The following GPM6A variants were observed in gnomAD, a reference collection of about 807,000 sequenced individuals.
GPM6A encodes glycoprotein M6A.
Under a neutral mutation model 32.1 loss-of-function variants are expected in GPM6A, and 7 were observed. That is an observed-to-expected ratio of 0.22 (90% confidence interval 0.12 to 0.41). The LOEUF is 0.41. Among genes scored for constraint, GPM6A ranks in the 10% least tolerant of loss-of-function variants. The pLI, the probability that GPM6A is intolerant of heterozygous loss-of-function variation, is 1.00. For missense variants in GPM6A, 235 were observed against 347.2 expected (o/e 0.68, Z 2.57); for synonymous variants, 130 against 123.4 (o/e 1.05, Z -0.35).
At chr4:175,983,205 A>G (rs542673217) in intron 1 of GPM6A, among the ~76,000 whole-genome samples, 1 of 152,236 alleles carries the variant, frequency 6.6e-6, no homozygotes, top group Non-Finnish European at 1.5e-5. Context: ...AAGGACCTCC[A>G]ACTCTTCAAG....
intron 1 of GPM6A, among the ~76,000 whole-genome samples, chr4:175,833,212 G>C (rs1735668263): frequency 6.6e-6 from 1 of 152,148 alleles, no homozygotes; most frequent in East Asian, 1.9e-4. Context: ...AAAATTATTA[G>C]TATGGATAAA....
At chr4:175,923,682 T>C (rs1265524132) in intron 1 of GPM6A, among the ~76,000 whole-genome samples, 1 of 151,998 alleles carries the variant, frequency 6.6e-6, no homozygotes, top group Non-Finnish European at 1.5e-5. Flanking sequence ...GCCTCCCAAG[T>C]AGCTGAGACC....
chr4:175,830,185 T>G (rs976086244), intron 1 of GPM6A, among the ~76,000 whole-genome samples: 1 of 152,156 alleles, frequency 6.6e-6, no homozygotes, highest in Non-Finnish European at 1.5e-5. Context: ...TGGTGATGGT[T>G]GAGCTGGTCA....
intron 3 of GPM6A, among the ~76,000 whole-genome samples, chr4:175,662,758 T>C (rs1243442024): frequency 6.6e-6 from 1 of 152,062 alleles, no homozygotes; most frequent in Non-Finnish European, 1.5e-5. Context: ...GATATATGGA[T>C]AGATAGATAT....
intron 1 of GPM6A, among the ~76,000 whole-genome samples, chr4:175,920,166 A>G (rs1432221702): frequency 1.3e-5 from 2 of 152,242 alleles, no homozygotes; most frequent in African/African-American, 2.4e-5. Context: ...CTTTCCAGGA[A>G]GGCAACATAC....
At chr4:175,651,497 A>T (rs1203742651) in intron 4 of GPM6A, among the ~76,000 whole-genome samples, 2 of 151,998 alleles carry the variant, frequency 1.3e-5, no homozygotes, top group African/African-American at 4.8e-5. Context: ...TCATGGGAGG[A>T]TAAAAGTAGA....
At chr4:175,907,830 G>T (rs1432541690) in intron 1 of GPM6A, among the ~76,000 whole-genome samples, 2 of 151,912 alleles carry the variant, frequency 1.3e-5, no homozygotes, top group African/African-American at 4.8e-5. Context: ...TATTTCTTTG[G>T]GTCTTCATTT....
intron 1 of GPM6A, among the ~76,000 whole-genome samples, chr4:175,844,164 C>A (rs762989784): frequency 6.6e-6 from 1 of 152,160 alleles, no homozygotes; most frequent in African/African-American, 2.4e-5. Flanking sequence ...TAGTCTTGAT[C>A]CTCATTGCAA....
intron 1 of GPM6A, among the ~76,000 whole-genome samples, chr4:175,736,487 T>A (rs1349857925): frequency 6.6e-6 from 1 of 151,820 alleles, no homozygotes; most frequent in African/African-American, 2.4e-5. Context: ...GATATCAAGG[T>A]TTTCTTTAAA....
intron 1 of GPM6A, among the ~76,000 whole-genome samples, chr4:175,707,903 T>C (rs1745294646): frequency 6.6e-6 from 1 of 152,220 alleles, no homozygotes; most frequent in African/African-American, 2.4e-5. Context: ...CTTCTTTTTA[T>C]CTACCATTTC....
At chr4:175,881,103 G>C (rs1435621481) in intron 1 of GPM6A, among the ~76,000 whole-genome samples, 1 of 152,114 alleles carries the variant, frequency 6.6e-6, no homozygotes, top group African/African-American at 2.4e-5. Flanking sequence ...ATCTGACAAA[G>C]AGCTAATATC....
At chr4:175,749,188 A>T (rs1732222002) in intron 1 of GPM6A, among the ~76,000 whole-genome samples, 1 of 144,132 alleles carries the variant, frequency 6.9e-6, no homozygotes, top group Non-Finnish European at 1.5e-5. Context: ...GTGCAAAAGT[A>T]ATTGCAGTTT....
At chr4:175,776,908 A>G (rs1000636702) in intron 1 of GPM6A, among the ~76,000 whole-genome samples, 2 of 152,212 alleles carry the variant, frequency 1.3e-5, no homozygotes, top group African/African-American at 4.8e-5. Context: ...GTCAAGGCCT[A>G]CGTATGCAAA....
intron 1 of GPM6A, among the ~76,000 whole-genome samples, chr4:175,999,539 T>A (rs932924951): frequency 2.0e-5 from 3 of 150,468 alleles, no homozygotes; most frequent in South Asian, 2.1e-4. Flanking sequence ...TTTTTTTTTT[T>A]ACAATCAGCC....
intron 1 of GPM6A, among the ~76,000 whole-genome samples, chr4:175,911,767 G>A (rs1476145605): frequency 6.6e-6 from 1 of 152,138 alleles, no homozygotes; most frequent in African/African-American, 2.4e-5. Context: ...TGACAAAAGT[G>A]GGAATATGTA....
At chr4:175,663,499 T>C (rs1579356534) in intron 3 of GPM6A, among the ~76,000 whole-genome samples, 1 of 152,130 alleles carries the variant, frequency 6.6e-6, no homozygotes, top group Admixed American at 6.5e-5. Context: ...GTTGTATTCT[T>C]GAAAATGGTT....
chr4:175,751,501 A>G (rs1732335707), intron 1 of GPM6A, among the ~76,000 whole-genome samples: 1 of 152,180 alleles, frequency 6.6e-6, no homozygotes, highest in Admixed American at 6.5e-5. Flanking sequence ...ACATGTTTAT[A>G]TTCAGCAAAT....
intron 1 of GPM6A, among the ~76,000 whole-genome samples, chr4:175,943,852 G>C (rs1739501184): frequency 6.6e-6 from 1 of 152,128 alleles, no homozygotes; most frequent in Non-Finnish European, 1.5e-5. Flanking sequence ...TTTGTTTGTT[G>C]TGTCTCTGCC....
In GPM6A at chr4:175,882,039, TA is replaced by T. The variant is rs541067440; in HGVS notation, c.-22-69791del. On this transcript the variant is annotated intron_variant, in intron 1 of 7. Transcript: ENST00000280187. ...ATTTTAAAAAAGGGGAGAAATTGAT[TA>T]GAATGATTTTCATATAATTGTTTAG... 2.9e-3 allele frequency among the ~76,000 whole-genome samples: 435 copies of T among 152,138 alleles called. 5 individuals are homozygous for T. The highest frequency in any genetic ancestry group is 9.4e-3 in the African/African-American group (392 of 41,544).
Sources: gnomAD v4.1 joint callset for allele counts (sites outside exome capture counted in the v4.1 genomes callset) on GRCh38, gnomAD v4.1.1 for gene constraint, MANE v1.5 for transcripts, NCBI Gene and HGNC (gene_info 2026-07-23, HGNC 2026-07-21) for gene names.